Variants in VPS13B observed in about 807,000 individuals in gnomAD.
VPS13B encodes the protein intermembrane lipid transfer protein VPS13B.
A neutral mutation model predicts 426.4 loss-of-function variants in VPS13B; 285 were observed. The ratio of observed to expected loss-of-function variants is 0.67; its 90% CI spans 0.61 to 0.74. VPS13B has a LOEUF of 0.74. Among genes scored for constraint, VPS13B ranks in the 30% least tolerant of loss-of-function variants. The pLI is 0.00. For synonymous variants in VPS13B, 1,676 were observed against 1,676.4 expected (o/e 1.00, Z 0.01); for missense variants, 4,537 against 4,782.6 (o/e 0.95, Z 1.51).
chr8:99,478,447 G>GTTTTTTTTTTTTTTTT (rs56261645), intron 24 of VPS13B, among the ~76,000 whole-genome samples: 158 of 85,736 alleles, frequency 1.8e-3, no homozygotes, highest in Middle Eastern at 9.6e-3. Flanking sequence ...TTTTTGTTTT[G>GTTTTTTTTTTTTTTTT]TTTTTTTTTT....
chr8:99,312,686 T>C (rs1184687404), intron 19 of VPS13B, among the ~76,000 whole-genome samples: 1 of 152,200 alleles, frequency 6.6e-6, no homozygotes, highest in Non-Finnish European at 1.5e-5. Context: ...TGTGGCGTTC[T>C]CTGTATTTCC....
intron 34 of VPS13B, among the ~76,000 whole-genome samples, chr8:99,660,704 C>G (rs962527096): frequency 2.6e-5 from 4 of 151,630 alleles, no homozygotes; most frequent in Admixed American, 2.0e-4. Context: ...CAATATTACC[C>G]AGAAAATTTT....
At position 99,501,922 on chromosome 8, in the gene VPS13B, C is replaced by CCCTCCCTT. The variant is rs1297179732; in HGVS notation, c.4042+68_4042+75dup. 30 of 1,411,198 alleles carry CCCTCCCTT rather than the reference C, an allele frequency of 2.1e-5. No homozygotes were observed. In the South Asian group the frequency reaches 3.3e-4, roughly 16 times the overall value. The allele number at this position is 1,411,198 out of a possible 1,614,324, so 87.4% of individuals were successfully genotyped here. On this transcript the variant is annotated intron_variant, in intron 26 of 61. Transcript: ENST00000357162. ...TCCCTCCCTCCCTCCCTCCCTCCCT[C>CCCTCCCTT]CCTCCCTTCCTTCCTTCCTTTCTTT...
intron 39 of VPS13B, among the ~76,000 whole-genome samples, chr8:99,745,307 T>G (rs1810025420): frequency 6.6e-6 from 1 of 152,096 alleles, no homozygotes; most frequent in Admixed American, 6.6e-5. Flanking sequence ...CAGTCAATTT[T>G]AGTTGAAAAA....
chr8:99,296,490 G>A (rs912990342), intron 19 of VPS13B, among the ~76,000 whole-genome samples: 6 of 152,228 alleles, frequency 3.9e-5, no homozygotes, highest in African/African-American at 1.4e-4. Context: ...TGGACTGAAT[G>A]TAAATTTGAA....
At chr8:99,336,314 T>G (rs561503743) in intron 19 of VPS13B, among the ~76,000 whole-genome samples, 7 of 152,306 alleles carry the variant, frequency 4.6e-5, no homozygotes, top group African/African-American at 1.7e-4. Flanking sequence ...TAGCCATATG[T>G]AGGAAGCTGA....
intron 31 of VPS13B, among the ~76,000 whole-genome samples, chr8:99,562,794 T>A (rs1175838892): frequency 2.0e-5 from 3 of 152,142 alleles, no homozygotes; most frequent in African/African-American, 7.2e-5. Context: ...AAGATACTAG[T>A]CTTTCCCCAT....
intron 2 of VPS13B, among the ~76,000 whole-genome samples, chr8:99,015,402 G>C (rs1841560488): frequency 6.6e-6 from 1 of 151,002 alleles, no homozygotes; most frequent in Admixed American, 6.6e-5. Flanking sequence ...ATTTTTAGTA[G>C]AGATGGGGTT....
chr8:99,408,219 AC>A (rs1815436532), intron 21 of VPS13B, among the ~76,000 whole-genome samples: 1 of 152,178 alleles, frequency 6.6e-6, no homozygotes, highest in African/African-American at 2.4e-5. Context: ...TGGCTATTTT[AC>A]CAATATTAAT....
intron 16 of VPS13B, among the ~76,000 whole-genome samples, chr8:99,176,241 T>C (rs569630221): frequency 1.5e-3 from 221 of 152,258 alleles, no homozygotes; most frequent in Admixed American, 5.8e-3. Flanking sequence ...CTGAAGTGAT[T>C]CTCGTTCCTC....
chr8:99,636,049 T>A (rs1374679485), intron 33 of VPS13B, among the ~76,000 whole-genome samples: 2 of 151,920 alleles, frequency 1.3e-5, no homozygotes, highest in African/African-American at 2.4e-5. Context: ...GATGGGAAAA[T>A]GCGCTGAAAT....
chr8:99,339,993 CCTAACCTATGT>C (rs1272617661), intron 19 of VPS13B, among the ~76,000 whole-genome samples: 1 of 152,162 alleles, frequency 6.6e-6, no homozygotes, highest in East Asian at 1.9e-4. Context: ...AGTGAAATGG[CCTAACCTATGT>C]ATACTTTCAT....
At chr8:99,611,596 A>T (rs1827847940) in intron 33 of VPS13B, among the ~76,000 whole-genome samples, 1 of 152,038 alleles carries the variant, frequency 6.6e-6, no homozygotes, top group Admixed American at 6.6e-5. Context: ...GGATGTGGCA[A>T]TCATTGACAT....
intron 19 of VPS13B, among the ~76,000 whole-genome samples, chr8:99,357,453 T>C (rs1412709147): frequency 6.6e-6 from 1 of 152,246 alleles, no homozygotes; most frequent in Non-Finnish European, 1.5e-5. Flanking sequence ...GTTATGTTTC[T>C]AATAGATCTC....
At chr8:99,216,242 A>G (rs1052086495) in intron 17 of VPS13B, among the ~76,000 whole-genome samples, 3 of 152,178 alleles carry the variant, frequency 2.0e-5, no homozygotes, top group African/African-American at 7.2e-5. Context: ...TTTAAATACA[A>G]CAAACTTTCT....
At chr8:99,762,202 C>T (rs1453800152) in intron 39 of VPS13B, among the ~76,000 whole-genome samples, 1 of 151,792 alleles carries the variant, frequency 6.6e-6, no homozygotes, top group Non-Finnish European at 1.5e-5. Flanking sequence ...ATTTTTTTTC[C>T]TCCTGTAGAG....
intron 3 of VPS13B, among the ~76,000 whole-genome samples, chr8:99,088,389 G>A (rs1355558916): frequency 6.6e-6 from 1 of 152,088 alleles, no homozygotes; most frequent in East Asian, 1.9e-4. Context: ...AGACATAAAA[G>A]TTAGATTATA....
chr8:99,304,224 GTTA>G (rs967827824), intron 19 of VPS13B, among the ~76,000 whole-genome samples: 43 of 152,256 alleles, frequency 2.8e-4, no homozygotes, highest in Admixed American at 1.2e-3. Flanking sequence ...CAAAATAGTA[GTTA>G]TTATTATAAT....
At chr8:99,261,734 A>T (rs1211146324) in intron 17 of VPS13B, among the ~76,000 whole-genome samples, 5 of 152,192 alleles carry the variant, frequency 3.3e-5, no homozygotes, top group African/African-American at 1.2e-4. Context: ...TGGCATTGTC[A>T]TTGAGGTTAA....
Sources: allele counts gnomAD v4.1 joint callset (sites outside exome capture counted in the v4.1 genomes callset), GRCh38; gene constraint gnomAD v4.1.1; transcripts MANE v1.5; gene names NCBI Gene and HGNC (gene_info 2026-07-23, HGNC 2026-07-21).